Variants in CPA6 observed in about 807,000 individuals in gnomAD.
The protein encoded by CPA6 is carboxypeptidase B.
In CPA6, 58 loss-of-function variants were observed where a neutral mutation model predicts 63.3. The observed-to-expected ratio is 0.92, with a 90% CI of 0.74 to 1.14. CPA6 has a LOEUF of 1.14. Among genes scored for constraint, CPA6 ranks in the 50% most tolerant of loss-of-function variants. The pLI is 0.00. For missense variants in CPA6, 565 were observed against 526.6 expected, an observed-to-expected ratio of 1.07 and a Z score of -0.71; for synonymous variants, 185 against 179.0, an observed-to-expected ratio of 1.03 and a Z score of -0.27.
intron 2 of CPA6, among the ~76,000 whole-genome samples, chr8:67,601,056 A>G (rs73692551): frequency 0.04 from 6,032 of 152,280 alleles, 204 homozygotes; most frequent in African/African-American, 0.089. Context: ...GGAAAGAACT[A>G]TTACAAGACA....
intron 8 of CPA6, among the ~76,000 whole-genome samples, chr8:67,476,121 G>T (rs1228123896): frequency 6.6e-6 from 1 of 151,416 alleles, no homozygotes; most frequent in Non-Finnish European, 1.5e-5. Flanking sequence ...CTGTGCCTCA[G>T]CCTCCCAAGT....
At chr8:67,637,318 A>G (rs954833593) in intron 1 of CPA6, among the ~76,000 whole-genome samples, 4 of 151,682 alleles carry the variant, frequency 2.6e-5, no homozygotes, top group African/African-American at 4.9e-5. Context: ...GGCTTCCATT[A>G]TATGCTTTGA....
intron 2 of CPA6, among the ~76,000 whole-genome samples, chr8:67,564,979 C>T (rs185855078): frequency 3.9e-5 from 6 of 152,056 alleles, no homozygotes; most frequent in Non-Finnish European, 5.9e-5. Context: ...AACTGAGAAC[C>T]GCAGCGTGGT....
chr8:67,711,686 T>TACACACACACACACACAC (rs5892094), intron 1 of CPA6, among the ~76,000 whole-genome samples: 16 of 133,952 alleles, frequency 1.2e-4, no homozygotes, highest in African/African-American at 5.0e-4. Flanking sequence ...TATGCCTGTG[T>TACACACACACACACACAC]ACACACACAC....
intron 6 of CPA6, among the ~76,000 whole-genome samples, chr8:67,487,188 A>G (rs1587482909): frequency 1.3e-5 from 2 of 151,244 alleles, no homozygotes; most frequent in African/African-American, 4.8e-5. Context: ...GTTTCTCCTA[A>G]TGTTATCCCT....
intron 2 of CPA6, among the ~76,000 whole-genome samples, chr8:67,540,363 C>T (rs1399928998): frequency 6.6e-6 from 1 of 152,208 alleles, no homozygotes; most frequent in Non-Finnish European, 1.5e-5. Flanking sequence ...TTGCTACCTA[C>T]TCCTTCCTCT....
rs5892094 is a variant in CPA6 at position 67,711,686 on chromosome 8, TACACAC to T, written c.116+34322_116+34327del. 3.7e-3 allele frequency among the ~76,000 whole-genome samples: 496 copies of T among 133,950 alleles called. 2 individuals carry two copies. The highest frequency in any genetic ancestry group is 0.012 in the African/African-American group (398 of 32,232). The allele number at this position is 133,950 out of a possible 152,430, so 87.9% of individuals were successfully genotyped here. ...TGCATGTGGTATATGTATGCCTGTGTACACACACACACACACACACACACACACACA... is the reference window on the plus strand; with the variant it reads ...TGCATGTGGTATATGTATGCCTGTGTACACACACACACACACACACACACA... On this transcript the variant is annotated intron_variant, in intron 1 of 10. Coordinates refer to ENST00000297770, the MANE Select transcript of CPA6 (RefSeq NM_020361.5).
At chr8:67,728,286 C>A (rs1817642047) in intron 1 of CPA6, among the ~76,000 whole-genome samples, 1 of 152,126 alleles carries the variant, frequency 6.6e-6, no homozygotes, top group African/African-American at 2.4e-5. Flanking sequence ...TTCTAAACCT[C>A]ATTGGGGAAT....
At chr8:67,620,597 C>T (rs1193027203) in intron 2 of CPA6, among the ~76,000 whole-genome samples, 2 of 152,168 alleles carry the variant, frequency 1.3e-5, no homozygotes, top group African/African-American at 4.8e-5. Flanking sequence ...TGGAAGATGA[C>T]ACACGGTCAT....
At chr8:67,626,354 A>G (rs1815194103) in intron 1 of CPA6, among the ~76,000 whole-genome samples, 1 of 152,100 alleles carries the variant, frequency 6.6e-6, no homozygotes, top group African/African-American at 2.4e-5. Context: ...TGATAGTTTT[A>G]TTATTTCAAA....
intron 2 of CPA6, 54 bp from the exon 3 acceptor site, chr8:67,518,101 T>C: frequency 6.8e-7 from 1 of 1,466,552 alleles, no homozygotes; most frequent in African/African-American, 1.4e-5. Context: ...GGGGAAAATC[T>C]GTGTCACAAT....
At chr8:67,428,240 A>C in intron 9 of CPA6, 109 bp from the exon 10 acceptor site, 1 of 604,006 alleles carries the variant, frequency 1.7e-6, no homozygotes. Flanking sequence ...TCATTGGTTA[A>C]GATCTATATT....
intron 8 of CPA6, among the ~76,000 whole-genome samples, chr8:67,473,599 A>ATTTTAT (rs1404462358): frequency 4.0e-5 from 6 of 151,854 alleles, no homozygotes; most frequent in Non-Finnish European, 8.8e-5. Flanking sequence ...TTTTAAGGGG[A>ATTTTAT]TTTTATTTTT....
In CPA6 at chr8:67,442,192, T is replaced by C. The variant is rs114938725; in HGVS notation, c.839-7952A>G. On this transcript the variant is annotated intron_variant, in intron 8 of 10. Transcript: ENST00000297770. ...TTGAATTCAACTTAACAAAAATTTTTGAATACTTCTGTTCTAGATGCTATG... is the reference window on the plus strand; with the variant it reads ...TTGAATTCAACTTAACAAAAATTTTCGAATACTTCTGTTCTAGATGCTATG... 3.6e-3 allele frequency among the ~76,000 whole-genome samples: 546 copies of C among 152,240 alleles called. 2 individuals carry two copies. Among genetic ancestry groups the C allele is most frequent in the African/African-American group, 0.012 (494 of 41,560 alleles).
intron 1 of CPA6, among the ~76,000 whole-genome samples, chr8:67,729,771 G>T: frequency 6.6e-6 from 1 of 152,140 alleles, no homozygotes; most frequent in East Asian, 1.9e-4. Context: ...GAAACAAATA[G>T]TTTATAGGTA....
intron 8 of CPA6, among the ~76,000 whole-genome samples, chr8:67,471,697 AAAG>A (rs1470191916): frequency 2.6e-5 from 4 of 152,232 alleles, no homozygotes; most frequent in African/African-American, 7.2e-5. Flanking sequence ...TGGTAGATAA[AAAG>A]AATATCATCA....
rs75717262 is a variant in CPA6, at chr8:67,599,333, T to C, written c.192+24843A>G. Among the ~76,000 whole-genome samples, 338 of 152,314 alleles carry C rather than the reference T, an allele frequency of 2.2e-3. 8 individuals are homozygous for C. The East Asian group carries it at 0.056, about 25-fold the overall frequency. ...CCACCTTGCATGCACATGCTGGACA[T>C]GTTCTGTGTTCTGGACAACCATGTA... On this transcript the variant is annotated intron_variant, in intron 2 of 10. Transcript: ENST00000297770.
chr8:67,538,512 G>GTTTTTTTTTTTTTTTTT (rs139665944), intron 2 of CPA6, among the ~76,000 whole-genome samples: 1 of 90,772 alleles, frequency 1.1e-5, no homozygotes, highest in African/African-American at 4.3e-5. Flanking sequence ...TGCAACCCCT[G>GTTTTTTTTTTTTTTTTT]TTTTTTTTTT....
At position 67,451,361 on chromosome 8, in the gene CPA6, C is replaced by A. The variant is rs569214671; in HGVS notation, c.839-17121G>T. Reference sequence around the variant, plus strand: ...CGAACCTTATTGTGAACTGCGCATGCAGGGGATCTAGGTTGTGTGCTCCTT... The same window carrying A: ...CGAACCTTATTGTGAACTGCGCATGAAGGGGATCTAGGTTGTGTGCTCCTT... On this transcript the variant is annotated intron_variant, in intron 8 of 10. Coordinates refer to ENST00000297770, the MANE Select transcript of CPA6 (RefSeq NM_020361.5). Among the ~76,000 whole-genome samples, 15 of 152,296 alleles carry A rather than the reference C, an allele frequency of 9.8e-5. No individual in the cohort carries two copies. The East Asian group carries it at 2.5e-3, about 25-fold the overall frequency.
Sources: allele counts gnomAD v4.1 joint callset (sites outside exome capture counted in the v4.1 genomes callset), GRCh38; gene constraint gnomAD v4.1.1; transcripts MANE v1.5; gene names NCBI Gene and HGNC (gene_info 2026-07-23, HGNC 2026-07-21).